The following MAP3K3 variants were observed in gnomAD, a reference collection of about 807,000 sequenced individuals.
The protein encoded by MAP3K3 is MAP/ERK kinase kinase 3.
In MAP3K3, 12 loss-of-function variants were observed where a neutral mutation model predicts 80.9. The ratio of observed to expected loss-of-function variants is 0.15; its 90% CI spans 0.10 to 0.24. MAP3K3 has a LOEUF of 0.24. MAP3K3 is among the 10% of genes least tolerant of loss of function. The probability of loss-of-function intolerance (pLI) is 1.00; values close to 1 mark genes in which losing one functional copy is unlikely to be tolerated. For synonymous variants in MAP3K3, 272 were observed against 307.1 expected, an observed-to-expected ratio of 0.89 and a Z score of 1.19; for missense variants, 596 against 834.7, an observed-to-expected ratio of 0.71 and a Z score of 3.52.
At chr17:63,678,911 T>G (rs1433503342) in intron 6 of MAP3K3, among the ~76,000 whole-genome samples, 2 of 152,090 alleles carry the variant, frequency 1.3e-5, no homozygotes, top group Non-Finnish European at 2.9e-5. Flanking sequence ...CCACCTGTAA[T>G]CCCAGCTATT....
chr17:63,675,230 T>C (rs1250258191), intron 6 of MAP3K3, among the ~76,000 whole-genome samples: 1 of 151,706 alleles, frequency 6.6e-6, no homozygotes, highest in East Asian at 1.9e-4. Context: ...TGTGAGCATA[T>C]TGGTAAATAT....
intron 3 of MAP3K3, among the ~76,000 whole-genome samples, chr17:63,646,276 G>A (rs1315479066): frequency 6.6e-6 from 1 of 152,206 alleles, no homozygotes; most frequent in Non-Finnish European, 1.5e-5. Flanking sequence ...AGCATTGGAA[G>A]CCATTTCAAC....
rs762349103 is a variant in MAP3K3 at position 63,691,184 on chromosome 17, G to A, written c.1295G>A (p.Arg432Gln). 4 of 1,614,220 alleles carry A rather than the reference G, an allele frequency of 2.5e-6. No individual in the cohort carries two copies. Among genetic ancestry groups the A allele is most frequent in the Non-Finnish European group, 1.7e-6 (2 of 1,180,040 alleles). Residue 432 changes from arginine to glutamine, a missense_variant, in exon 13 of 16, where the codon CGG becomes CAG. Coordinates refer to ENST00000361733, the MANE Select transcript of MAP3K3 (RefSeq NM_002401.5). This position sits in a 1 kb window ranked among gnomAD's most constrained non-coding sequence, Gnocchi z 4.8. ...ERIVQYYGCL[R>Q]DRAEKTLTIF... ...ATCGTGCAGTACTATGGCTGTCTGC[G>A]GGACCGCGCTGAGAAGACCCTGACC...
At position 63,689,770 on chromosome 17, in the gene MAP3K3, C is replaced by A; in HGVS notation, c.1063+35C>A. ...TGTCCCTGGCTAGGAGGAGACTGCC[C>A]AGGTGGTCTCAGACAAGCTACGGGG... On this transcript the variant is annotated intron_variant, in intron 11 of 15. Transcript: ENST00000361733. The surrounding 1 kb of genome is among the most constrained non-coding windows in gnomAD (Gnocchi z 4.3). 6.4e-7 allele frequency: 1 copy of A among 1,569,326 alleles called. No individual in the cohort carries two copies. The highest frequency in any genetic ancestry group is 1.8e-5 in the Admixed American group (1 of 55,638).
rs930285119 is a variant in MAP3K3, at chr17:63,689,080, T to C, written c.871+199T>C. On this transcript the variant is annotated intron_variant, in intron 10 of 15. Transcript: ENST00000361733. The surrounding 1 kb of genome is among the most constrained non-coding windows in gnomAD (Gnocchi z 4.3). ...GTATTTGTAGACCAGATGCTGCCAC[T>C]GGGAACTCTGACCTTGTTTGAAGCC... 1.3e-5 allele frequency: 8 copies of C among 596,728 alleles called. No homozygotes were observed. The highest frequency in any genetic ancestry group is 1.3e-4 in the African/African-American group (7 of 53,870). 37.0% of individuals were successfully genotyped at this position (596,728 alleles called of 1,614,324 possible).
rs2143647486 is a variant in MAP3K3 at position 63,694,024 on chromosome 17, G to C, written c.*247G>C. On this transcript the variant is annotated 3_prime_UTR_variant, in exon 16 of 16. Transcript: ENST00000361733. Reference sequence around the variant, plus strand: ...CCAGTGTCCTGAGCTCAGCGTGGAGGGGTAGGGGCTGGGAACAGTGTGCAA... The same window carrying C: ...CCAGTGTCCTGAGCTCAGCGTGGAGCGGTAGGGGCTGGGAACAGTGTGCAA... The C allele has an allele frequency of 8.4e-6, 4 of 475,170 alleles. No individual in the cohort carries two copies. Among genetic ancestry groups the C allele is most frequent in the African/African-American group, 2.0e-5 (1 of 49,632 alleles). 29.4% of individuals were successfully genotyped at this position (475,170 alleles called of 1,614,324 possible).
intron 1 of MAP3K3, among the ~76,000 whole-genome samples, chr17:63,631,513 G>A (rs1034521896): frequency 2.0e-5 from 3 of 152,176 alleles, no homozygotes; most frequent in Admixed American, 2.0e-4. Context: ...CAAAGCAAGT[G>A]TAACAACTCA....
In MAP3K3 at chr17:63,650,304, T is replaced by G. The variant is rs557768032; in HGVS notation, c.168-2253T>G. Among the ~76,000 whole-genome samples, 6 of 152,316 alleles carry G rather than the reference T, an allele frequency of 3.9e-5. No homozygotes were observed. In the East Asian group the frequency reaches 5.8e-4, roughly 15 times the overall value. On this transcript the variant is annotated intron_variant, in intron 3 of 15. Transcript: ENST00000361733. Reference sequence around the variant, plus strand: ...GCTTATTTTGCAATCAGAAGTTTATTTATTTATTTTTTTGAGACAGAGTCT... The same window carrying G: ...GCTTATTTTGCAATCAGAAGTTTATGTATTTATTTTTTTGAGACAGAGTCT...
At chr17:63,661,558 T>C (rs182135169) in intron 5 of MAP3K3, among the ~76,000 whole-genome samples, 2 of 152,362 alleles carry the variant, frequency 1.3e-5, no homozygotes, top group East Asian at 3.9e-4. Flanking sequence ...TAAAGTAATA[T>C]CAAGCTGAAC....
intron 4 of MAP3K3, among the ~76,000 whole-genome samples, chr17:63,655,957 C>T (rs889317045): frequency 7.2e-5 from 11 of 152,062 alleles, no homozygotes; most frequent in African/African-American, 1.7e-4. Flanking sequence ...TGGCGAGGCG[C>T]GATGGTTCAT....
In MAP3K3 at chr17:63,652,667, A is replaced by G. The variant is rs1204967589; in HGVS notation, c.267+11A>G. On this transcript the variant is annotated intron_variant, in intron 4 of 15. Transcript: ENST00000361733. ...TACATGAACAATGAGGTGAGAAGGC[A>G]GATGGATGGGGCAGGGACAAGAGGG... The G allele has an allele frequency of 6.3e-7, 1 of 1,579,222 alleles. No individual in the cohort carries two copies. Among genetic ancestry groups the G allele is most frequent in the South Asian group, 1.1e-5 (1 of 90,330 alleles).
Position 63,685,582 on chromosome 17 carries a change from A to T in MAP3K3, c.702A>T (p.Ser234=), listed in dbSNP as rs2035431645. 2 of 1,614,000 alleles carry T rather than the reference A, an allele frequency of 1.2e-6. No homozygotes were observed. Among genetic ancestry groups the T allele is most frequent in the Non-Finnish European group, 1.7e-6 (2 of 1,179,934 alleles). Residue 234 remains serine (S), a synonymous_variant, in exon 8 of 16, where the codon TCA becomes TCT. Transcript: ENST00000361733. ...GAAGCTGCCAATCCTTGGACAGGTC[A>T]GCAGACAGGTATGGGACTGTGGGTG... is the stretch of plus-strand genomic sequence containing the variant. ...LSGSCQSLDR[S]ADSPSFRKSR...
At chr17:63,645,921 C>T (rs1299712696) in intron 2 of MAP3K3, 113 bp from the exon 3 acceptor site, 4 of 750,102 alleles carry the variant, frequency 5.3e-6, no homozygotes, top group African/African-American at 1.7e-5. Flanking sequence ...GACCAGGAGC[C>T]ATCAGGGATG....
chr17:63,622,817 C>G, intron 1 of MAP3K3, 54 bp downstream of exon 1: 1 of 448,360 alleles, frequency 2.2e-6, no homozygotes, highest in Non-Finnish European at 4.4e-6. Flanking sequence ...GACGCCCCGC[C>G]CCAGGCTGAG....
At chr17:63,680,691 A>G (rs566909150) in intron 6 of MAP3K3, among the ~76,000 whole-genome samples, 35 of 152,302 alleles carry the variant, frequency 2.3e-4, no homozygotes, top group Non-Finnish European at 3.4e-4. Flanking sequence ...ATTCACTAAC[A>G]TTAGGATGAT....
intron 1 of MAP3K3, among the ~76,000 whole-genome samples, chr17:63,630,407 A>C (rs2034191785): frequency 6.6e-6 from 1 of 152,166 alleles, no homozygotes; most frequent in African/African-American, 2.4e-5. Flanking sequence ...GGCTCACTGC[A>C]GCCTCAACCT....
chr17:63,689,798 A>G lies in MAP3K3; in HGVS notation c.1063+63A>G. 1 of 1,490,740 alleles carries G rather than the reference A, an allele frequency of 6.7e-7. No individual in the cohort carries two copies. The highest frequency in any genetic ancestry group is 2.4e-5 in the East Asian group (1 of 41,478). The allele number at this position is 1,490,740 out of a possible 1,614,324, so 92.3% of individuals were successfully genotyped here. On this transcript the variant is annotated intron_variant, in intron 11 of 15. Transcript: ENST00000361733. This position sits in a 1 kb window ranked among gnomAD's most constrained non-coding sequence, Gnocchi z 4.3. ...GTGGTCTCAGACAAGCTACGGGGGC[A>G]AACAGCTGGGCCCCTGGGACCCTTA...
rs568296450 is a variant in MAP3K3 at position 63,651,439 on chromosome 17, A to T, written c.168-1118A>T. Among the ~76,000 whole-genome samples, 6 of 152,220 alleles carry T rather than the reference A, an allele frequency of 3.9e-5. No homozygotes were observed. The South Asian group carries it at 1.2e-3, about 32-fold the overall frequency. On this transcript the variant is annotated intron_variant, in intron 3 of 15. Transcript: ENST00000361733. ...AGTGAGCCGTTATCATTGCCACTGC[A>T]CTCCAGCCTAGGTGACAGAACGAGA...
rs774852925 is a variant in MAP3K3, at chr17:63,693,325, T to C, written c.1653-224T>C. 1.1e-4 allele frequency among the ~76,000 whole-genome samples: 16 copies of C among 152,192 alleles called. No homozygotes were observed. Among genetic ancestry groups the C allele is most frequent in the Non-Finnish European group, 2.1e-4 (14 of 68,030 alleles). ...TTATTGTAGAGTTCTTTCTGTCAAG[T>C]CTAAGTGATTCTCTTTTTCCTTATT... On this transcript the variant is annotated intron_variant, in intron 15 of 15. Transcript: ENST00000361733. The surrounding 1 kb of genome is among the most constrained non-coding windows in gnomAD (Gnocchi z 4.2).
Sources: allele counts gnomAD v4.1 joint callset (sites outside exome capture counted in the v4.1 genomes callset), GRCh38; gene constraint gnomAD v4.1.1; non-coding constraint Gnocchi (gnomAD v3.1); transcripts MANE v1.5; gene names NCBI Gene and HGNC (gene_info 2026-07-23, HGNC 2026-07-21).